Variants in CCDC170 observed in about 807,000 individuals in gnomAD.
CCDC170 encodes coiled-coil domain containing 170.
In CCDC170, 69 loss-of-function variants were observed where a neutral mutation model predicts 72.6. That is an observed-to-expected ratio of 0.95 (90% CI 0.78 to 1.16). The LOEUF (loss-of-function observed/expected upper bound fraction) is 1.16. Among genes scored for constraint, CCDC170 ranks in the 50% most tolerant of loss-of-function variants. CCDC170 has a pLI of 0.00. For synonymous variants in CCDC170, 300 were observed against 303.9 expected, an observed-to-expected ratio of 0.99 and a Z score of 0.13; for missense variants, 852 against 832.5, an observed-to-expected ratio of 1.02 and a Z score of -0.29.
At chr6:151,612,017 T>C (rs1776880802) in intron 9 of CCDC170, among the ~76,000 whole-genome samples, 1 of 152,136 alleles carries the variant, frequency 6.6e-6, no homozygotes, top group Non-Finnish European at 1.5e-5. Flanking sequence ...CCAAAACTGG[T>C]TTCTAGTTTA....
intron 1 of CCDC170, among the ~76,000 whole-genome samples, chr6:151,495,440 C>G (rs898158909): frequency 1.3e-5 from 2 of 151,914 alleles, no homozygotes; most frequent in African/African-American, 4.8e-5. Context: ...TTACAGCCAT[C>G]ATGATTCTTT....
In CCDC170 at chr6:151,621,151, G is replaced by A. The variant is rs976141575; in HGVS notation, c.*3004G>A. The stretch of plus-strand genomic sequence containing the variant: ...TAAGTGTTTGTCATTTGGACAAATT[G>A]AAAACTTTTAATAAAGCCATTTTCT... On this transcript the variant is annotated 3_prime_UTR_variant, in exon 11 of 11. Transcript: ENST00000239374. The A allele has an allele frequency of 1.3e-5, 2 of 152,186 alleles. No individual in the cohort carries two copies. The highest frequency in any genetic ancestry group is 4.8e-5 in the African/African-American group (2 of 41,448). The allele number at this position is 152,186 out of a possible 1,614,324, so 9.4% of individuals were successfully genotyped here.
intron 7 of CCDC170, among the ~76,000 whole-genome samples, chr6:151,591,881 T>C (rs1450159606): frequency 6.6e-6 from 1 of 152,156 alleles, no homozygotes; most frequent in Admixed American, 6.5e-5. Context: ...TTTGTTTGTA[T>C]GGTGAGCTTT....
Position 151,538,217 on chromosome 6 carries a change from T to A in CCDC170, c.359T>A (p.Ile120Asn). The part of the protein sequence containing the change: ...EESAALSTSK[I>N]RTEITAHAAI... Reference sequence around the variant, plus strand: ...TCAGCAGCACTTTCCACTTCTAAAATCAGAACAGAAATCACAGCTCACGCT... The same window carrying A: ...TCAGCAGCACTTTCCACTTCTAAAAACAGAACAGAAATCACAGCTCACGCT... The change falls in exon 3 of 11, where the codon ATC (isoleucine) becomes AAC (asparagine). Residue 120 changes from isoleucine (I) to asparagine (N), a missense_variant. Physicochemically the swap from Ile to Asn is moderately radical, Grantham distance 149. Transcript: ENST00000239374. The A allele has an allele frequency of 6.2e-7, 1 of 1,613,766 alleles. No homozygotes were observed. The highest frequency in any genetic ancestry group is 1.1e-5 in the South Asian group (1 of 91,068).
At chr6:151,567,768 T>G (rs1776158375) in intron 5 of CCDC170, among the ~76,000 whole-genome samples, 1 of 152,126 alleles carries the variant, frequency 6.6e-6, no homozygotes, top group African/African-American at 2.4e-5. Context: ...ACTAGCCACT[T>G]ACCACACAAG....
At chr6:151,605,425 C>T (rs762841639) in intron 9 of CCDC170, among the ~76,000 whole-genome samples, 1 of 152,196 alleles carries the variant, frequency 6.6e-6, no homozygotes, top group Non-Finnish European at 1.5e-5. Flanking sequence ...ACAGTGTGGT[C>T]CTGCTGAACA....
chr6:151,611,140 G>A (rs1279281747), intron 9 of CCDC170, among the ~76,000 whole-genome samples: 1 of 152,108 alleles, frequency 6.6e-6, no homozygotes, highest in African/African-American at 2.4e-5. Context: ...GCCAGGAGTG[G>A]TGGCGTGCGC....
chr6:151,522,747 A>G (rs1426642008), intron 1 of CCDC170, among the ~76,000 whole-genome samples: 2 of 152,210 alleles, frequency 1.3e-5, no homozygotes, highest in South Asian at 2.1e-4. Context: ...AAAATGTTAT[A>G]TTCGAGTGCT....
At chr6:151,502,862 C>T (rs1053153156) in intron 1 of CCDC170, among the ~76,000 whole-genome samples, 4 of 152,120 alleles carry the variant, frequency 2.6e-5, no homozygotes, top group Non-Finnish European at 5.9e-5. Context: ...TAGATACGGT[C>T]CCCCTTTCAC....
intron 3 of CCDC170, among the ~76,000 whole-genome samples, chr6:151,543,884 T>C (rs2115053860): frequency 6.6e-6 from 1 of 152,316 alleles, no homozygotes. Flanking sequence ...GGCACTTATG[T>C]TGATTCCCTA....
chr6:151,508,988 C>T (rs1782103190), intron 1 of CCDC170, among the ~76,000 whole-genome samples: 1 of 148,620 alleles, frequency 6.7e-6, no homozygotes, highest in Non-Finnish European at 1.5e-5. Flanking sequence ...GCACTCCAGC[C>T]TGGGCAACAA....
chr6:151,511,071 G>T (rs1311550368), intron 1 of CCDC170, among the ~76,000 whole-genome samples: 1 of 152,072 alleles, frequency 6.6e-6, no homozygotes, highest in African/African-American at 2.4e-5. Context: ...TTATAGTTTT[G>T]TCCTTACCTA....
intron 4 of CCDC170, among the ~76,000 whole-genome samples, chr6:151,545,079 G>T (rs1782750731): frequency 6.6e-6 from 1 of 152,026 alleles, no homozygotes; most frequent in African/African-American, 2.4e-5. Flanking sequence ...TCATTTTTAG[G>T]ATACTGATTG....
intron 5 of CCDC170, among the ~76,000 whole-genome samples, chr6:151,560,417 T>C (rs2115072451): frequency 6.6e-6 from 1 of 152,302 alleles, no homozygotes; most frequent in East Asian, 1.9e-4. Context: ...TATTTGCAGA[T>C]GAGAAAAATG....
intron 1 of CCDC170, among the ~76,000 whole-genome samples, chr6:151,501,171 AT>A (rs1280052506): frequency 6.6e-6 from 1 of 151,620 alleles, no homozygotes; most frequent in African/African-American, 2.4e-5. Context: ...TGACTATCTA[AT>A]TATGAGCAAA....
rs367555056 is a variant in CCDC170, at chr6:151,585,990, G to A, written c.1194G>A (p.Glu398=). Residue 398 remains glutamate, a synonymous_variant, in exon 7 of 11, where the codon GAG becomes GAA. Coordinates refer to ENST00000239374, the MANE Select transcript of CCDC170 (RefSeq NM_025059.4). The part of the protein sequence containing the change: ...QKALQRAQKA[E]NMLETLQGQL... ...CTCTCCAGAGGGCCCAGAAAGCAGA[G>A]AATATGTTGGAGACTCTTCAGGGTC... 343 of 1,614,184 alleles carry A rather than the reference G, an allele frequency of 2.1e-4. No individual in the cohort carries two copies. The highest frequency in any genetic ancestry group is 2.8e-4 in the Non-Finnish European group (332 of 1,180,024).
intron 1 of CCDC170, among the ~76,000 whole-genome samples, chr6:151,502,487 CA>C (rs1051166302): frequency 6.6e-6 from 1 of 152,098 alleles, no homozygotes; most frequent in African/African-American, 2.4e-5. Context: ...ATGCATTTTT[CA>C]GCATATTAAG....
intron 9 of CCDC170, among the ~76,000 whole-genome samples, chr6:151,612,762 G>A (rs1047534189): frequency 6.6e-6 from 1 of 152,038 alleles, no homozygotes; most frequent in African/African-American, 2.4e-5. Flanking sequence ...GAAGGGATGG[G>A]AGGGAAGGAA....
chr6:151,507,112 A>G (rs372355791), intron 1 of CCDC170, among the ~76,000 whole-genome samples: 43 of 152,260 alleles, frequency 2.8e-4, no homozygotes, highest in South Asian at 1.2e-3. Context: ...TGTTGAAATG[A>G]GGGGATCTGG....
Sources: gnomAD v4.1 joint callset for allele counts (sites outside exome capture counted in the v4.1 genomes callset) on GRCh38, gnomAD v4.1.1 for gene constraint, MANE v1.5 for transcripts, NCBI Gene and HGNC (gene_info 2026-07-23, HGNC 2026-07-21) for gene names.